CEBPZ: variants seen among roughly 807,000 people sequenced by gnomAD.
CEBPZ encodes CCAAT/enhancer-binding protein zeta.
A neutral mutation model predicts 104.5 loss-of-function variants in CEBPZ; 78 were observed. The observed-to-expected ratio is 0.75, with a 90% confidence interval of 0.62 to 0.90. CEBPZ has a LOEUF of 0.90. Among genes scored for constraint, CEBPZ ranks in the 40% least tolerant of loss-of-function variants. The pLI is 0.00. For missense variants in CEBPZ, 1,439 were observed against 1,233.5 expected (o/e 1.17, Z -2.50); for synonymous variants, 470 against 427.0 (o/e 1.10, Z -1.24).
intron 13 of CEBPZ, 70 bp downstream of exon 13, chr2:37,210,929 T>G: frequency 9.2e-7 from 1 of 1,081,370 alleles, no homozygotes; most frequent in Non-Finnish European, 1.3e-6. Context: ...GGAGAGTTCA[T>G]TTCCCAAAAT....
chr2:37,227,901 G>A lies in CEBPZ; in HGVS notation c.1292C>T (p.Ser431Leu), dbSNP rs1412014524. The A allele has an allele frequency of 6.2e-7, 1 of 1,614,046 alleles. No homozygotes were observed. The highest frequency in any genetic ancestry group is 8.5e-7 in the Non-Finnish European group (1 of 1,180,048). Reference sequence around the variant, plus strand: ...ATATTGAGCTTTGGAGCTGATATTTGAGCGGAAGAGTAGCCTTTCTACTTC... The same window carrying A: ...ATATTGAGCTTTGGAGCTGATATTTAAGCGGAAGAGTAGCCTTTCTACTTC... ...SGEVERLLFR[S>L]NISSKAQYYA... The change falls in exon 2 of 16, where the codon TCA becomes TTA. Residue 431 changes from serine (S) to leucine (L), a missense_variant. By Grantham distance (145) the Ser-to-Leu change is moderately radical. Transcript: ENST00000234170.
chr2:37,201,657 C>T lies in CEBPZ; in HGVS notation c.*107G>A, dbSNP rs1273335645. ...TTATTTATAGTTTATTACAAATCCA[C>T]TGAGAAGTCTGGAATGTATGGAATC... On this transcript the variant is annotated 3_prime_UTR_variant, in exon 16 of 16. Coordinates refer to ENST00000234170, the MANE Select transcript of CEBPZ (RefSeq NM_005760.3). 2.6e-6 allele frequency: 2 copies of T among 760,042 alleles called. No homozygotes were observed. The highest frequency in any genetic ancestry group is 1.5e-5 in the South Asian group (1 of 65,976). The allele number at this position is 760,042 out of a possible 1,614,324, so 47.1% of individuals were successfully genotyped here. A position where few individuals can be genotyped will look rare whatever the true frequency, so the allele number is the denominator to read the frequency against.
chr2:37,214,028 G>T, intron 9 of CEBPZ, 67 bp from the exon 10 acceptor site: 1 of 846,822 alleles, frequency 1.2e-6, no homozygotes, highest in Non-Finnish European at 1.7e-6. Flanking sequence ...TATCATCAAA[G>T]CACCTATGAC....
chr2:37,228,386 A>C lies in CEBPZ; in HGVS notation c.807T>G (p.Leu269=). The C allele has an allele frequency of 6.2e-7, 1 of 1,614,232 alleles. No individual in the cohort carries two copies. Among genetic ancestry groups the C allele is most frequent in the South Asian group, 1.1e-5 (1 of 91,090 alleles). ...AVHTLQFVET[L]VNLVKKKGSK... ...TGCCCTTCTTTTTAACAAGGTTCAC[A>C]AGAGTTTCTACAAACTGAAGTGTGT... The change falls in exon 2 of 16, where the codon CTT becomes CTG. Residue 269 remains leucine, a synonymous_variant. Transcript: ENST00000234170.
At chr2:37,216,260 ATT>A (rs1241715179) in intron 7 of CEBPZ, 52 bp from the exon 8 acceptor site, 1 of 1,599,544 alleles carries the variant, frequency 6.3e-7, no homozygotes. Flanking sequence ...ATAAGCTCAT[ATT>A]GTTTATTATG....
chr2:37,229,623 A>G (rs183402332), intron 1 of CEBPZ, among the ~76,000 whole-genome samples: 2 of 152,200 alleles, frequency 1.3e-5, no homozygotes, highest in African/African-American at 4.8e-5. Flanking sequence ...AACTGACACA[A>G]CCTCCATGGA....
intron 6 of CEBPZ, 65 bp downstream of exon 6, chr2:37,216,919 T>C: frequency 7.7e-7 from 1 of 1,298,252 alleles, no homozygotes; most frequent in Non-Finnish European, 1.1e-6. Context: ...GTATGACCAA[T>C]TATTGATTAT....
In CEBPZ at chr2:37,203,010, TA is replaced by T. The variant is rs375852685; in HGVS notation, c.2885-3del. 166 of 1,526,688 alleles carry T rather than the reference TA, an allele frequency of 1.1e-4. No individual in the cohort carries two copies. Among genetic ancestry groups the T allele is most frequent in the South Asian group, 4.6e-4 (35 of 76,648 alleles). 94.6% of individuals were successfully genotyped at this position (1,526,688 alleles called of 1,614,324 possible). ...AGTTTCTTTTCTTTTTTCTTGGCCC[TA>T]AAAAAAATTGTAAGTCTACATTATT... On this transcript the variant is annotated splice_region_variant and splice_polypyrimidine_tract_variant and intron_variant, in intron 13 of 15. Transcript: ENST00000234170.
intron 1 of CEBPZ, among the ~76,000 whole-genome samples, chr2:37,230,671 T>G (rs1203494933): frequency 6.6e-6 from 1 of 152,176 alleles, no homozygotes; most frequent in Non-Finnish European, 1.5e-5. Flanking sequence ...CTCTGACCCC[T>G]CGGCCCTCCT....
intron 2 of CEBPZ, among the ~76,000 whole-genome samples, chr2:37,225,081 C>T (rs1305810532): frequency 6.6e-6 from 1 of 152,098 alleles, no homozygotes; most frequent in African/African-American, 2.4e-5. Context: ...CTAACAAAAA[C>T]AAAACTCAAG....
chr2:37,211,153 T>A (rs1168273123), intron 12 of CEBPZ, 71 bp from the exon 13 acceptor site: 7 of 1,015,546 alleles, frequency 6.9e-6, no homozygotes, highest in Non-Finnish European at 1.0e-5. Context: ...CTCCAAGATA[T>A]GCTAAAATCT....
At position 37,231,323 on chromosome 2, in the gene CEBPZ, A is replaced by G. The variant is rs528778069; in HGVS notation, c.156+89T>C. The G allele has an allele frequency of 1.6e-5, 25 of 1,573,002 alleles. No homozygotes were observed. The East Asian group carries it at 5.4e-4, about 34-fold the overall frequency. ...TCTCGGTCCTGGACGCCCGCGCTCTACGCAGCGCGGAAGCGGCGGGGCAGT... is the reference window on the plus strand; with the variant it reads ...TCTCGGTCCTGGACGCCCGCGCTCTGCGCAGCGCGGAAGCGGCGGGGCAGT... On this transcript the variant is annotated intron_variant, in intron 1 of 15. Transcript: ENST00000234170.
chr2:37,222,280 T>A (rs1664787447), intron 4 of CEBPZ, 100 bp downstream of exon 4: 1 of 1,091,488 alleles, frequency 9.2e-7, no homozygotes, highest in South Asian at 1.8e-5. Flanking sequence ...TGAGACTCTG[T>A]CTAAATAAAT....
In CEBPZ at chr2:37,223,305, C is replaced by A; in HGVS notation, c.1746G>T (p.Arg582=). The change falls in exon 3 of 16, where the codon CGG becomes CGT. Residue 582 remains arginine, a synonymous_variant. Coordinates refer to ENST00000234170, the MANE Select transcript of CEBPZ (RefSeq NM_005760.3). Reference sequence around the variant, plus strand: ...GTAACCTCTTCACAAAAGCCTTCACCCGGCGCAACACAATGTCAGCTTTCA... The same window carrying A: ...GTAACCTCTTCACAAAAGCCTTCACACGGCGCAACACAATGTCAGCTTTCA... The part of the protein sequence containing the change: ...KSLKADIVLR[R]VKAFVKRLLQ... The A allele has an allele frequency of 6.2e-7, 1 of 1,614,094 alleles. No individual in the cohort carries two copies. Among genetic ancestry groups the A allele is most frequent in the Non-Finnish European group, 8.5e-7 (1 of 1,180,012 alleles).
At chr2:37,224,809 G>A (rs1664845540) in intron 2 of CEBPZ, among the ~76,000 whole-genome samples, 1 of 152,072 alleles carries the variant, frequency 6.6e-6, no homozygotes, top group Admixed American at 6.5e-5. Context: ...AAAACCAAGA[G>A]CAAACAAACA....
intron 10 of CEBPZ, 116 bp downstream of exon 10, chr2:37,213,748 T>G: frequency 3.0e-6 from 2 of 672,624 alleles, no homozygotes; most frequent in Non-Finnish European, 2.5e-6. Flanking sequence ...GTGATTTGCA[T>G]GATATTCTTA....
At chr2:37,204,251 G>A (rs1414519840) in intron 13 of CEBPZ, 2 of 144,342 alleles carry the variant, frequency 1.4e-5, no homozygotes, top group African/African-American at 2.6e-5. Flanking sequence ...CCTCAAGTAT[G>A]TAACACCATG....
chr2:37,226,417 G>T (rs1443947819), intron 2 of CEBPZ, among the ~76,000 whole-genome samples: 3 of 152,162 alleles, frequency 2.0e-5, no homozygotes, highest in Non-Finnish European at 4.4e-5. Flanking sequence ...TACATAGAAA[G>T]ATTACATGGG....
At chr2:37,224,060 C>A (rs1664827795) in intron 2 of CEBPZ, among the ~76,000 whole-genome samples, 1 of 152,182 alleles carries the variant, frequency 6.6e-6, no homozygotes, top group Non-Finnish European at 1.5e-5. Context: ...GTTTCACAAA[C>A]TTGATTTTCC....
Sources: allele counts gnomAD v4.1 joint callset (sites outside exome capture counted in the v4.1 genomes callset), GRCh38; gene constraint gnomAD v4.1.1; transcripts MANE v1.5; gene names NCBI Gene and HGNC (gene_info 2026-07-23, HGNC 2026-07-21).